NCALD: variants seen among roughly 807,000 people sequenced by gnomAD.
The protein encoded by NCALD is neurocalcin delta.
A neutral mutation model predicts 18.6 loss-of-function variants in NCALD; 10 were observed. That is an observed-to-expected ratio of 0.54 (90% CI 0.33 to 0.91). The LOEUF (loss-of-function observed/expected upper bound fraction) is 0.91, where lower values mean the gene tolerates loss of function less well. NCALD is among the 40% of genes least tolerant of loss of function. The probability of loss-of-function intolerance (pLI) is 0.03; values close to 1 mark genes in which losing one functional copy is unlikely to be tolerated. For synonymous variants in NCALD, 88 were observed against 87.4 expected, an observed-to-expected ratio of 1.01 and a Z score of -0.04; for missense variants, 184 against 247.6, an observed-to-expected ratio of 0.74 and a Z score of 1.72.
At chr8:102,034,015 T>TACACACACACACACACACACACAC (rs34381236) in intron 1 of NCALD, among the ~76,000 whole-genome samples, 1 of 147,892 alleles carries the variant, frequency 6.8e-6, no homozygotes, top group African/African-American at 2.5e-5. Context: ...TCCCTCTAAA[T>TACACACACACACACACACACACAC]ACACACACAC....
Position 101,802,899 on chromosome 8 carries a change from C to CAAAAAAAAAA in NCALD, c.-19-83261_-19-83252dup, listed in dbSNP as rs34519871. On this transcript the variant is annotated intron_variant, in intron 4 of 6. Coordinates refer to the NCALD transcript ENST00000311028. ...CTTTGCAATAAATCTTGCTGCTGCT[C>CAAAAAAAAAA]AAAAAAAAAAAAAAAAAAAAATGCA... is the stretch of plus-strand genomic sequence containing the variant. Among the ~76,000 whole-genome samples, 2 of 99,576 alleles carry CAAAAAAAAAA rather than the reference C, an allele frequency of 2.0e-5. 1 individual carries two copies. Among genetic ancestry groups the CAAAAAAAAAA allele is most frequent in the Non-Finnish European group, 3.8e-5 (2 of 52,454 alleles). 65.3% of individuals were successfully genotyped at this position (99,576 alleles called of 152,430 possible). A position where few individuals can be genotyped will look rare whatever the true frequency, so the allele number is the denominator to read the frequency against.
intron 1 of NCALD, among the ~76,000 whole-genome samples, chr8:101,785,186 A>G (rs1007834969): frequency 2.6e-5 from 4 of 152,316 alleles, no homozygotes; most frequent in Middle Eastern, 3.4e-3. Context: ...GTTACTTTGA[A>G]AAGAACTTTG....
chr8:101,995,127 C>T (rs1821189726), intron 2 of NCALD, among the ~76,000 whole-genome samples: 1 of 152,054 alleles, frequency 6.6e-6, no homozygotes, highest in African/African-American at 2.4e-5. Flanking sequence ...TTACAATAGC[C>T]CAGACTGGGG....
At chr8:102,091,289 T>TA (rs1824916384) in intron 1 of NCALD, among the ~76,000 whole-genome samples, 1 of 152,166 alleles carries the variant, frequency 6.6e-6, no homozygotes, top group South Asian at 2.1e-4. Flanking sequence ...TTGTTGCTAG[T>TA]AAAAATGGGA....
intron 2 of NCALD, among the ~76,000 whole-genome samples, chr8:101,991,813 G>T (rs1358179699): frequency 1.3e-5 from 2 of 152,186 alleles, no homozygotes; most frequent in African/African-American, 4.8e-5. Flanking sequence ...TGCCATGGAG[G>T]ACCCAGAACC....
rs116851761 is a variant in NCALD at position 102,119,516 on chromosome 8, T to A, written c.-210+4721A>T. On this transcript the variant is annotated intron_variant, in intron 1 of 6. Coordinates refer to the NCALD transcript ENST00000311028. The stretch of plus-strand genomic sequence containing the variant: ...GGTGATGGTTGCACAATAATGTGAA[T>A]GTATTTAAAGCCACTGAACTGTACG... Among the ~76,000 whole-genome samples, 1,407 of 152,322 alleles carry A rather than the reference T, an allele frequency of 9.2e-3. 10 individuals are homozygous for A. The highest frequency in any genetic ancestry group is 0.017 in the Non-Finnish European group (1,162 of 68,020).
intron 2 of NCALD, among the ~76,000 whole-genome samples, chr8:101,705,656 G>T (rs946308300): frequency 5.3e-5 from 8 of 152,174 alleles, no homozygotes; most frequent in African/African-American, 1.9e-4. Context: ...AGGAGATACA[G>T]CTCTGCCTGG....
intron 2 of NCALD, among the ~76,000 whole-genome samples, chr8:101,996,519 G>A (rs998478248): frequency 2.6e-5 from 4 of 152,200 alleles, no homozygotes; most frequent in Non-Finnish European, 4.4e-5. Flanking sequence ...ACTGACAGGG[G>A]TTTTACTCTG....
intron 1 of NCALD, among the ~76,000 whole-genome samples, chr8:102,113,333 T>C (rs953785050): frequency 1.3e-5 from 2 of 152,238 alleles, no homozygotes; most frequent in South Asian, 4.1e-4. Context: ...TAGGAGATTA[T>C]CTTTTTTAAA....
chr8:101,757,427 A>C (rs1260850594), intron 1 of NCALD, among the ~76,000 whole-genome samples: 1 of 152,176 alleles, frequency 6.6e-6, no homozygotes, highest in African/African-American at 2.4e-5. Flanking sequence ...CTGACCTCTG[A>C]GGGCTGCAGA....
chr8:101,696,018 T>C (rs1413701480), intron 2 of NCALD, among the ~76,000 whole-genome samples: 1 of 152,126 alleles, frequency 6.6e-6, no homozygotes, highest in African/African-American at 2.4e-5. Context: ...TAATTAAACA[T>C]ATTCATGTGA....
intron 1 of NCALD, among the ~76,000 whole-genome samples, chr8:101,787,492 A>G (rs748092297): frequency 1.3e-5 from 2 of 152,164 alleles, no homozygotes; most frequent in Non-Finnish European, 2.9e-5. Context: ...CATAGAAAGG[A>G]TGACTTTGGA....
At chr8:102,005,231 A>C (rs960847085) in intron 2 of NCALD, among the ~76,000 whole-genome samples, 3 of 152,184 alleles carry the variant, frequency 2.0e-5, no homozygotes, top group South Asian at 2.1e-4. Context: ...TGAACAGACA[A>C]TTCTCAAAAG....
At chr8:101,699,079 G>GAAA (rs138888779) in intron 2 of NCALD, among the ~76,000 whole-genome samples, 3 of 148,206 alleles carry the variant, frequency 2.0e-5, no homozygotes, top group East Asian at 2.0e-4. Flanking sequence ...AATTTTACAG[G>GAAA]AAAAAAAAAA....
At chr8:101,893,000 G>A (rs1810874503) in intron 3 of NCALD, among the ~76,000 whole-genome samples, 2 of 148,922 alleles carry the variant, frequency 1.3e-5, no homozygotes, top group South Asian at 4.2e-4. Context: ...TCAGATTCAG[G>A]AAATACAGAG....
At chr8:101,759,611 A>G (rs902346494) in intron 1 of NCALD, among the ~76,000 whole-genome samples, 3 of 152,140 alleles carry the variant, frequency 2.0e-5, no homozygotes, top group Admixed American at 1.3e-4. Context: ...AATTATTTCA[A>G]TTCTGCCACA....
chr8:101,969,850 T>G (rs1334881406), intron 2 of NCALD, among the ~76,000 whole-genome samples: 6 of 152,254 alleles, frequency 3.9e-5, no homozygotes, highest in Non-Finnish European at 8.8e-5. Flanking sequence ...TTCAGCCTTC[T>G]GCAGGCCAGA....
intron 2 of NCALD, among the ~76,000 whole-genome samples, chr8:101,954,862 T>G (rs1258414944): frequency 6.6e-6 from 1 of 152,178 alleles, no homozygotes; most frequent in Non-Finnish European, 1.5e-5. Context: ...CATGAACAAG[T>G]ATTGCAGAGC....
chr8:101,841,783 G>A (rs1814652885), intron 4 of NCALD, among the ~76,000 whole-genome samples: 1 of 152,088 alleles, frequency 6.6e-6, no homozygotes. Context: ...GTTTACATAT[G>A]AGCATGCAAC....
Sources: gnomAD v4.1 joint callset for allele counts (sites outside exome capture counted in the v4.1 genomes callset) on GRCh38, gnomAD v4.1.1 for gene constraint, MANE v1.5 for transcripts, NCBI Gene and HGNC (gene_info 2026-07-23, HGNC 2026-07-21) for gene names.